TMEM108: variants seen among roughly 807,000 people sequenced by gnomAD.
The protein encoded by TMEM108 is cancer/testis antigen 124.
In TMEM108, 12 loss-of-function variants were observed where a neutral mutation model predicts 35.1. That is an observed-to-expected ratio of 0.34 (90% CI 0.22 to 0.55). The LOEUF (loss-of-function observed/expected upper bound fraction) is 0.55, where lower values mean the gene tolerates loss of function less well. Among genes scored for constraint, TMEM108 ranks in the 20% least tolerant of loss-of-function variants. The pLI is 0.89. For missense variants in TMEM108, 680 were observed against 753.3 expected (o/e 0.90, Z 1.14); for synonymous variants, 287 against 308.6 (o/e 0.93, Z 0.73).
At chr3:133,234,015 C>T (rs1444810195) in intron 3 of TMEM108, among the ~76,000 whole-genome samples, 1 of 142,758 alleles carries the variant, frequency 7.0e-6, no homozygotes, top group Non-Finnish European at 1.6e-5. Flanking sequence ...ATGGTAGTTT[C>T]TTTTGCTGTG....
chr3:133,040,804 A>T (rs1485229374), intron 1 of TMEM108, among the ~76,000 whole-genome samples: 1 of 152,194 alleles, frequency 6.6e-6, no homozygotes, highest in Non-Finnish European at 1.5e-5. Context: ...ATAAAAGCCC[A>T]CTAGTGTTGC....
intron 2 of TMEM108, among the ~76,000 whole-genome samples, chr3:133,150,513 G>C (rs998151351): frequency 1.3e-5 from 2 of 151,846 alleles, no homozygotes; most frequent in African/African-American, 2.4e-5. Flanking sequence ...CTTTTAGTTT[G>C]ATGTAGCCCC....
chr3:133,280,700 C>T (rs1045928554), intron 3 of TMEM108, among the ~76,000 whole-genome samples: 1 of 152,176 alleles, frequency 6.6e-6, no homozygotes, highest in South Asian at 2.1e-4. Flanking sequence ...TACAGTTCTA[C>T]AAGCCAGCAA....
intron 2 of TMEM108, among the ~76,000 whole-genome samples, chr3:133,200,154 G>T (rs944176836): frequency 3.9e-5 from 6 of 152,116 alleles, no homozygotes; most frequent in African/African-American, 1.4e-4. Flanking sequence ...GATTTTCCAG[G>T]TGCCGTCTGT....
chr3:133,061,257 G>A (rs1006943344), intron 2 of TMEM108, among the ~76,000 whole-genome samples: 3 of 147,508 alleles, frequency 2.0e-5, no homozygotes, highest in Non-Finnish European at 4.5e-5. Flanking sequence ...TGTCGCCCAG[G>A]CTGGAGTGCA....
intron 3 of TMEM108, among the ~76,000 whole-genome samples, chr3:133,240,647 A>C (rs1946299978): frequency 6.6e-6 from 1 of 152,158 alleles, no homozygotes; most frequent in South Asian, 2.1e-4. Flanking sequence ...TGGTGGGAGA[A>C]AGCATAGAAT....
intron 2 of TMEM108, among the ~76,000 whole-genome samples, chr3:133,224,014 T>C (rs761505866): frequency 1.3e-4 from 20 of 152,240 alleles, no homozygotes; most frequent in Non-Finnish European, 1.5e-4. Context: ...GTGAACCTGT[T>C]CCATGTATTA....
At chr3:133,302,700 G>A (rs946011711) in intron 3 of TMEM108, among the ~76,000 whole-genome samples, 4 of 151,992 alleles carry the variant, frequency 2.6e-5, no homozygotes, top group South Asian at 2.1e-4. Context: ...GATTACAGGC[G>A]TGAGCCACCG....
chr3:133,228,584 G>A (rs1021837578), intron 2 of TMEM108, among the ~76,000 whole-genome samples: 2 of 152,026 alleles, frequency 1.3e-5, no homozygotes, highest in African/African-American at 4.8e-5. Flanking sequence ...ATAACACAAA[G>A]CTATTTCTGC....
intron 3 of TMEM108, among the ~76,000 whole-genome samples, chr3:133,326,569 C>T (rs1210851178): frequency 6.6e-6 from 1 of 152,052 alleles, no homozygotes; most frequent in African/African-American, 2.4e-5. Flanking sequence ...AATCTGGGCT[C>T]CTAAATGTAC....
At chr3:133,177,088 T>TA (rs1307382199) in intron 2 of TMEM108, among the ~76,000 whole-genome samples, 2 of 151,962 alleles carry the variant, frequency 1.3e-5, no homozygotes, top group Non-Finnish European at 2.9e-5. Flanking sequence ...AATTCCTCGA[T>TA]ACATACACCC....
rs556103796 is a variant in TMEM108, at chr3:133,044,246, AT to A, written c.-165-1652del. 2.5e-3 allele frequency among the ~76,000 whole-genome samples: 382 copies of A among 152,238 alleles called. 2 individuals carry two copies. The highest frequency in any genetic ancestry group is 4.4e-3 in the Admixed American group (68 of 15,286). Reference sequence around the variant, plus strand: ...TCTAATCTCAGTATATTGCTGAGTTATTTTGAGATTTTGGGGGCATGATTGA... The same window carrying A: ...TCTAATCTCAGTATATTGCTGAGTTATTTGAGATTTTGGGGGCATGATTGA... On this transcript the variant is annotated intron_variant, in intron 1 of 5. Transcript: ENST00000321871.
intron 3 of TMEM108, among the ~76,000 whole-genome samples, chr3:133,259,426 T>C (rs1250462245): frequency 1.3e-5 from 2 of 152,170 alleles, no homozygotes; most frequent in Admixed American, 6.5e-5. Context: ...AGATGTGGAG[T>C]ACCTACAAAG....
chr3:133,387,102 C>G (rs1170490537), intron 4 of TMEM108: 1 of 985,382 alleles, frequency 1.0e-6, no homozygotes, highest in Admixed American at 6.1e-5. Context: ...GTCCTTGAGC[C>G]ACCCAATAGT....
intron 5 of TMEM108, among the ~76,000 whole-genome samples, chr3:133,394,449 CCTT>C (rs1182890549): frequency 6.6e-6 from 1 of 152,286 alleles, no homozygotes; most frequent in East Asian, 1.9e-4. Flanking sequence ...TTCTCTTCTT[CCTT>C]CTTTTCTCCC....
At chr3:133,237,357 C>G (rs1388344791) in intron 3 of TMEM108, among the ~76,000 whole-genome samples, 2 of 144,380 alleles carry the variant, frequency 1.4e-5, no homozygotes, top group Admixed American at 6.8e-5. Flanking sequence ...CCATTCATGT[C>G]TCTGCATCCC....
At chr3:133,350,205 C>A (rs1462881831) in intron 3 of TMEM108, among the ~76,000 whole-genome samples, 1 of 151,982 alleles carries the variant, frequency 6.6e-6, no homozygotes, top group East Asian at 1.9e-4. Context: ...TCTCACCACT[C>A]ATATGTGGTA....
chr3:133,231,471 G>A (rs534883346), intron 3 of TMEM108, among the ~76,000 whole-genome samples: 219 of 152,288 alleles, frequency 1.4e-3, no homozygotes, highest in Admixed American at 5.0e-3. Flanking sequence ...ATCTCACATG[G>A]AAAGTTTGGG....
chr3:133,301,459 T>C (rs1175689556), intron 3 of TMEM108, among the ~76,000 whole-genome samples: 1 of 152,222 alleles, frequency 6.6e-6, no homozygotes. Context: ...ACAGTGGGCA[T>C]TGCTGAAAAG....
Sources: gnomAD v4.1 joint callset for allele counts (sites outside exome capture counted in the v4.1 genomes callset) on GRCh38, gnomAD v4.1.1 for gene constraint, MANE v1.5 for transcripts, NCBI Gene and HGNC (gene_info 2026-07-23, HGNC 2026-07-21) for gene names.